CHCT1: variants seen among roughly 807,000 people sequenced by gnomAD.
CHCT1 encodes the protein CHD1 helical C-terminal domain containing 1.
At chr17:60,426,836 C>A in the CHCT1 span, 1 of 1,580,930 alleles carries the variant, frequency 6.3e-7, no homozygotes, top group Non-Finnish European at 8.6e-7. Flanking sequence ...CAAGACATTC[C>A]GCCCGAGCAC....
the CHCT1 span, chr17:60,422,296 C>G: frequency 2.0e-6 from 1 of 488,654 alleles, no homozygotes; most frequent in Non-Finnish European, 3.4e-6. Context: ...GAAGGGGCGC[C>G]AGCCTCTCCT....
the CHCT1 span, among the ~76,000 whole-genome samples, chr17:60,424,888 C>A: frequency 6.6e-6 from 1 of 151,950 alleles, no homozygotes; most frequent in African/African-American, 2.4e-5. Context: ...ATTCCATAGA[C>A]CCTGTTACAA....
At chr17:60,429,729 T>TG in the CHCT1 span, among the ~76,000 whole-genome samples, 1 of 152,072 alleles carries the variant, frequency 6.6e-6, no homozygotes. Context: ...TTCTGTTTTT[T>TG]CTTCTCTTTC....
chr17:60,421,248 A>T, the CHCT1 span: 1 of 624,662 alleles, frequency 1.6e-6, no homozygotes, highest in Non-Finnish European at 2.0e-6. Flanking sequence ...TCCCCTTACA[A>T]CAACAACAAC....
At chr17:60,421,674 C>A in the CHCT1 span, 1 of 887,116 alleles carries the variant, frequency 1.1e-6, no homozygotes, top group Non-Finnish European at 1.4e-6. Flanking sequence ...GCGCCAGGGG[C>A]GAGGGTCCCG....
chr17:60,421,336 GCTC>G, the CHCT1 span: 1 of 980,772 alleles, frequency 1.0e-6, no homozygotes, highest in Non-Finnish European at 1.2e-6. Context: ...CTCAAAGGGT[GCTC>G]CTCCAAAGCT....
chr17:60,425,645 C>T, the CHCT1 span: 1 of 616,362 alleles, frequency 1.6e-6, no homozygotes, highest in East Asian at 2.8e-5. Flanking sequence ...CCAAGGCTCA[C>T]TCACATCCAT....
At chr17:60,429,878 G>A in the CHCT1 span, among the ~76,000 whole-genome samples, 1 of 151,988 alleles carries the variant, frequency 6.6e-6, no homozygotes, top group Non-Finnish European at 1.5e-5. Context: ...AGGCTGGAAT[G>A]CAATGGCGCT....
At chr17:60,430,696 G>T in the CHCT1 span, among the ~76,000 whole-genome samples, 1 of 152,170 alleles carries the variant, frequency 6.6e-6, no homozygotes, top group Non-Finnish European at 1.5e-5. Context: ...GGCCAGGCTG[G>T]TCTCAAACTC....
the CHCT1 span, among the ~76,000 whole-genome samples, chr17:60,430,218 A>G: frequency 7.6e-6 from 1 of 132,026 alleles, no homozygotes; most frequent in African/African-American, 2.9e-5. Flanking sequence ...TTTATTCCCT[A>G]TTGCTTCCTT....
the CHCT1 span, among the ~76,000 whole-genome samples, chr17:60,425,445 A>G: frequency 5.3e-5 from 8 of 152,230 alleles, no homozygotes; most frequent in Non-Finnish European, 8.8e-5. Flanking sequence ...GTGAGTGTCC[A>G]GCAGGCATAT....
At chr17:60,423,468 C>T in the CHCT1 span, among the ~76,000 whole-genome samples, 1 of 151,996 alleles carries the variant, frequency 6.6e-6, no homozygotes, top group Admixed American at 6.6e-5. Context: ...GCTGGGATTA[C>T]AGGTGTGAGC....
chr17:60,423,654 T>C, the CHCT1 span, among the ~76,000 whole-genome samples: 1 of 148,516 alleles, frequency 6.7e-6, no homozygotes, highest in Non-Finnish European at 1.5e-5. Context: ...TTGGTAGAAA[T>C]TGGGTTTTGC....
At chr17:60,426,233 A>G in the CHCT1 span, 1 of 1,551,916 alleles carries the variant, frequency 6.4e-7, no homozygotes, top group Non-Finnish European at 8.7e-7. Flanking sequence ...TCCCCAGAAG[A>G]AGAAGCTGAA....
the CHCT1 span, chr17:60,421,449 C>CA: frequency 1.0e-6 from 1 of 985,654 alleles, no homozygotes; most frequent in East Asian, 1.1e-4. Flanking sequence ...ACGGCGGTCC[C>CA]ACCGCACTGT....
chr17:60,424,648 C>T, the CHCT1 span, among the ~76,000 whole-genome samples: 1 of 152,022 alleles, frequency 6.6e-6, no homozygotes, highest in South Asian at 2.1e-4. Context: ...ATTTTGGGAG[C>T]CGAGGTGGGT....
chr17:60,429,484 G>A, the CHCT1 span: 1 of 1,614,272 alleles, frequency 6.2e-7, no homozygotes, highest in Non-Finnish European at 8.5e-7. Context: ...AGGAGCGGCT[G>A]TCCAACATGC....
chr17:60,421,246 C>CAACAACAACAACGACAACAAT, the CHCT1 span: 1 of 567,218 alleles, frequency 1.8e-6, no homozygotes, highest in East Asian at 1.4e-4. Flanking sequence ...CCTCCCCTTA[C>CAACAACAACAACGACAACAAT]AACAACAACA....
chr17:60,426,839 C>T, the CHCT1 span: 3 of 1,576,500 alleles, frequency 1.9e-6, no homozygotes, highest in Non-Finnish European at 2.6e-6. Flanking sequence ...GACATTCCGC[C>T]CGAGCACAGC....
Sources: allele counts gnomAD v4.1 joint callset (sites outside exome capture counted in the v4.1 genomes callset), GRCh38; gene constraint gnomAD v4.1.1; transcripts MANE v1.5; gene names NCBI Gene and HGNC (gene_info 2026-07-23, HGNC 2026-07-21).